Variants in HIVEP3 observed in about 807,000 individuals in gnomAD.
The protein encoded by HIVEP3 is transcription factor HIVEP3.
Under a neutral mutation model 152.8 loss-of-function variants are expected in HIVEP3, and 49 were observed. That is an observed-to-expected ratio of 0.32 (90% CI 0.26 to 0.41). HIVEP3 has a LOEUF of 0.41. HIVEP3 is among the 10% of genes least tolerant of loss of function. The pLI, the probability that HIVEP3 is intolerant of heterozygous loss-of-function variation, is 1.00. For synonymous variants in HIVEP3, 1,269 were observed against 1,289.0 expected (o/e 0.98, Z 0.33); for missense variants, 2,790 against 3,103.3 (o/e 0.90, Z 2.40).
Position 41,612,329 on chromosome 1 carries a change from G to T in HIVEP3, c.-522+16420C>A, listed in dbSNP as rs376474376. ...GATGGATCATAATCCCAACAATGCC[G>T]CCTTACGTTAGTGCAGTGACTACAG... On this transcript the variant is annotated intron_variant, in intron 3 of 8. Transcript: ENST00000372583. Among the ~76,000 whole-genome samples the T allele has an allele frequency of 1.1e-4, 16 of 152,230 alleles. No homozygotes were observed. The South Asian group carries it at 3.3e-3, about 32-fold the overall frequency.
chr1:41,753,478 G>C (rs1251607984), intron 1 of HIVEP3, among the ~76,000 whole-genome samples: 1 of 152,002 alleles, frequency 6.6e-6, no homozygotes, highest in Non-Finnish European at 1.5e-5. Context: ...GACCAGCCTG[G>C]CCAACATGGT....
chr1:41,510,616 G>A lies in HIVEP3; in HGVS notation c.7056C>T (p.Ser2352=). ...EPSATPPLDR[S]SSVGCLAEAS... ...CCTCTGCCAGGCAGCCCACAGAGCTGCTGCGGTCCAGCGGCGGGGTGGCAG... is the reference window on the plus strand; with the variant it reads ...CCTCTGCCAGGCAGCCCACAGAGCTACTGCGGTCCAGCGGCGGGGTGGCAG... Residue 2352 remains serine (S), a synonymous_variant, in exon 9 of 9, where the codon AGC becomes AGT. Transcript: ENST00000372583. The A allele has an allele frequency of 1.3e-6, 2 of 1,553,108 alleles. No homozygotes were observed. Among genetic ancestry groups the A allele is most frequent in the African/African-American group, 2.7e-5 (2 of 73,372 alleles).
intron 1 of HIVEP3, among the ~76,000 whole-genome samples, chr1:41,764,329 A>G (rs1018907486): frequency 2.0e-5 from 3 of 152,224 alleles, no homozygotes; most frequent in South Asian, 2.1e-4. Flanking sequence ...CCTGAAATCA[A>G]TCAGAAAAGA....
At chr1:41,726,386 G>A (rs1469694382) in intron 1 of HIVEP3, among the ~76,000 whole-genome samples, 3 of 152,206 alleles carry the variant, frequency 2.0e-5, no homozygotes, top group East Asian at 1.9e-4. Context: ...CAGGCATGAA[G>A]GGGGCTGGAA....
At chr1:41,660,542 G>C (rs1421904211) in intron 2 of HIVEP3, among the ~76,000 whole-genome samples, 1 of 152,164 alleles carries the variant, frequency 6.6e-6, no homozygotes, top group East Asian at 1.9e-4. Flanking sequence ...GACCTCAGAT[G>C]AGCCTCTTAA....
intron 2 of HIVEP3, among the ~76,000 whole-genome samples, chr1:41,700,574 C>T (rs769704390): frequency 2.0e-5 from 3 of 152,196 alleles, no homozygotes; most frequent in Non-Finnish European, 2.9e-5. Context: ...CACCGAGTCC[C>T]ACTCCCTCAC....
chr1:41,678,747 G>A (rs1197579386), intron 2 of HIVEP3, among the ~76,000 whole-genome samples: 1 of 152,218 alleles, frequency 6.6e-6, no homozygotes, highest in Admixed American at 6.5e-5. Flanking sequence ...CAGGTCCCCA[G>A]GGCTGCCAAG....
chr1:41,540,507 T>C (rs901746807), intron 5 of HIVEP3, among the ~76,000 whole-genome samples: 14 of 152,128 alleles, frequency 9.2e-5, no homozygotes. Context: ...CCAGAGTTAC[T>C]CCAATCTGGA....
intron 1 of HIVEP3, among the ~76,000 whole-genome samples, chr1:41,756,113 G>C (rs988670107): frequency 2.6e-5 from 4 of 152,104 alleles, no homozygotes; most frequent in Non-Finnish European, 5.9e-5. Flanking sequence ...CCCATACCAG[G>C]GAATACTACT....
At chr1:41,524,961 G>A in intron 5 of HIVEP3, 51 bp from the exon 6 acceptor site, 1 of 1,546,794 alleles carries the variant, frequency 6.5e-7, no homozygotes, top group Non-Finnish European at 8.9e-7. Context: ...GAAGAGGCAG[G>A]TTCCCACCTC....
chr1:41,584,546 G>T lies in HIVEP3; in HGVS notation c.252C>A (p.Pro84=), dbSNP rs929560494. 5 of 1,614,132 alleles carry T rather than the reference G, an allele frequency of 3.1e-6. No individual in the cohort carries two copies. The highest frequency in any genetic ancestry group is 4.2e-6 in the Non-Finnish European group (5 of 1,180,010). The part of the protein sequence containing the change: ...TGQQQKPPKR[P]PIEASVHISQ... Reference sequence around the variant, plus strand: ...AGATGTGGACGGATGCTTCGATGGGGGGCCTTTTGGGGGGCTTCTGCTGCT... The same window carrying T: ...AGATGTGGACGGATGCTTCGATGGGTGGCCTTTTGGGGGGCTTCTGCTGCT... The change falls in exon 4 of 9, where the codon CCC becomes CCA. Residue 84 remains proline, a synonymous_variant. Transcript: ENST00000372583. This position sits in a 1 kb window ranked among gnomAD's most constrained non-coding sequence, Gnocchi z 5.2.
chr1:41,580,406 C>T lies in HIVEP3; in HGVS notation c.4392G>A (p.Leu1464=), dbSNP rs1438339821. 19 of 1,614,152 alleles carry T rather than the reference C, an allele frequency of 1.2e-5. No homozygotes were observed. The highest frequency in any genetic ancestry group is 1.4e-5 in the Non-Finnish European group (17 of 1,180,036). ...EASKADEKLE[L]VKPCSVVLTS... is the part of the protein sequence containing the mutation. ...TAAGGACCACACTGCATGGTTTTAC[C>T]AGCTCAAGTTTTTCATCTGCCTTGG... The change falls in exon 4 of 9, where the codon CTG becomes CTA. Residue 1464 remains leucine, a synonymous_variant. Transcript: ENST00000372583.
At chr1:41,752,240 G>A (rs556498824) in intron 1 of HIVEP3, among the ~76,000 whole-genome samples, 10 of 152,186 alleles carry the variant, frequency 6.6e-5, no homozygotes, top group Non-Finnish European at 1.3e-4. Flanking sequence ...CCTCTGTGCT[G>A]CACCTCCCTG....
chr1:41,788,780 C>T (rs949167309), intron 1 of HIVEP3, among the ~76,000 whole-genome samples: 1 of 152,226 alleles, frequency 6.6e-6, no homozygotes, highest in Non-Finnish European at 1.5e-5. Context: ...CAAATAAGTG[C>T]CCAGGAACAT....
chr1:41,864,885 C>T (rs1643940972), intron 1 of HIVEP3, among the ~76,000 whole-genome samples: 1 of 152,238 alleles, frequency 6.6e-6, no homozygotes, highest in African/African-American at 2.4e-5. Context: ...TTGACCCAGC[C>T]CATTCATCAG....
At chr1:41,657,113 C>A (rs1483221519) in intron 2 of HIVEP3, among the ~76,000 whole-genome samples, 1 of 152,132 alleles carries the variant, frequency 6.6e-6, no homozygotes, top group Non-Finnish European at 1.5e-5. Context: ...CAGAGCTGAG[C>A]CCCCAGAAGG....
chr1:41,797,239 A>G (rs1650035800), intron 1 of HIVEP3, among the ~76,000 whole-genome samples: 1 of 152,218 alleles, frequency 6.6e-6, no homozygotes, highest in African/African-American at 2.4e-5. Flanking sequence ...TGCTCCAGGA[A>G]GCTCCTGCTC....
rs186489286 is a variant in HIVEP3, at chr1:41,952,351, C to T, written n.120-33827G>A. 1.8e-4 allele frequency among the ~76,000 whole-genome samples: 28 copies of T among 152,282 alleles called. 1 individual carries two copies. In the Middle Eastern group the frequency reaches 0.014, roughly 74 times the overall value. ...TCCTCGCTGCACCATTATGTGATTC[C>T]TAGTTGTCTCTCCAAAATCTTCCTC... On this transcript the variant is annotated intron_variant and non_coding_transcript_variant, in intron 1 of 3. Transcript: ENST00000489103.
intron 1 of HIVEP3, among the ~76,000 whole-genome samples, chr1:41,751,599 C>T (rs763812339): frequency 1.3e-5 from 2 of 152,104 alleles, no homozygotes; most frequent in Non-Finnish European, 2.9e-5. Context: ...TTCAGGTGTG[C>T]GTTCTTCAAC....
Sources: allele counts gnomAD v4.1 joint callset (sites outside exome capture counted in the v4.1 genomes callset), GRCh38; gene constraint gnomAD v4.1.1; non-coding constraint Gnocchi (gnomAD v3.1); transcripts MANE v1.5; gene names NCBI Gene and HGNC (gene_info 2026-07-23, HGNC 2026-07-21).